Variants in MCF2L2 observed in about 807,000 individuals in gnomAD.
The protein encoded by MCF2L2 is probable guanine nucleotide exchange factor MCF2L2.
Under a neutral mutation model 150.2 loss-of-function variants are expected in MCF2L2, and 102 were observed. The ratio of observed to expected loss-of-function variants is 0.68; its 90% CI spans 0.58 to 0.80. The LOEUF (loss-of-function observed/expected upper bound fraction) is 0.80, where lower values mean the gene tolerates loss of function less well. Ranked by LOEUF, MCF2L2 falls within the 30% of genes least tolerant of loss-of-function variation. The probability of loss-of-function intolerance (pLI) is 0.00; values close to 1 mark genes in which losing one functional copy is unlikely to be tolerated. For synonymous variants in MCF2L2, 465 were observed against 491.3 expected, an observed-to-expected ratio of 0.95 and a Z score of 0.71; for missense variants, 1,256 against 1,372.8, an observed-to-expected ratio of 0.91 and a Z score of 1.34.
At position 183,406,959 on chromosome 3, in the gene MCF2L2, C is replaced by T. The variant is rs868356861; in HGVS notation, c.77-17180G>A. 3.9e-5 allele frequency among the ~76,000 whole-genome samples: 6 copies of T among 152,254 alleles called. No individual in the cohort carries two copies. In the Middle Eastern group the frequency reaches 0.01, roughly 259 times the overall value. ...CCAACTAAGGTCACAAAGATTTCCT[C>T]CTATGTTTTCTAACAGATTTTTTAT... On this transcript the variant is annotated intron_variant, in intron 1 of 29. Transcript: ENST00000328913.
intron 1 of MCF2L2, among the ~76,000 whole-genome samples, chr3:183,399,588 GC>G (rs1386037999): frequency 1.3e-5 from 2 of 152,196 alleles, no homozygotes; most frequent in East Asian, 3.8e-4. Context: ...CTTCTCACCA[GC>G]CCATCGAAGG....
intron 1 of MCF2L2, among the ~76,000 whole-genome samples, chr3:183,416,924 A>G (rs1157788369): frequency 6.6e-6 from 1 of 151,854 alleles, no homozygotes; most frequent in Non-Finnish European, 1.5e-5. Context: ...CCTGGCCAAC[A>G]TGGTAAAACC....
intron 2 of MCF2L2, among the ~76,000 whole-genome samples, chr3:183,389,230 A>C (rs1714008244): frequency 6.6e-6 from 1 of 152,220 alleles, no homozygotes; most frequent in Non-Finnish European, 1.5e-5. Context: ...CTTCATTCCC[A>C]ATCAAATGCT....
chr3:183,323,083 C>G, intron 6 of MCF2L2, 152 bp downstream of exon 6: 1 of 546,646 alleles, frequency 1.8e-6, no homozygotes, highest in East Asian at 2.9e-5. Context: ...CTTCCACACT[C>G]CTTCTTCCCC....
intron 6 of MCF2L2, among the ~76,000 whole-genome samples, chr3:183,322,425 C>A (rs114813652): frequency 6.6e-6 from 1 of 152,098 alleles, no homozygotes; most frequent in South Asian, 2.1e-4. Flanking sequence ...GAGTCCCTGA[C>A]GACCCACCAG....
At chr3:183,347,969 C>T (rs1171450388) in intron 3 of MCF2L2, among the ~76,000 whole-genome samples, 1 of 152,156 alleles carries the variant, frequency 6.6e-6, no homozygotes, top group African/African-American at 2.4e-5. Context: ...TAAATTTGTT[C>T]AACCATTGTG....
chr3:183,407,487 T>G (rs958031457), intron 1 of MCF2L2, among the ~76,000 whole-genome samples: 2 of 152,224 alleles, frequency 1.3e-5, no homozygotes, highest in Non-Finnish European at 2.9e-5. Context: ...ATGGATGATA[T>G]GTTAGTTTTA....
At chr3:183,360,990 A>AAAGG in intron 3 of MCF2L2, among the ~76,000 whole-genome samples, 2 of 133,852 alleles carry the variant, frequency 1.5e-5, no homozygotes, top group African/African-American at 7.6e-5. Context: ...AAAGAAAAGA[A>AAAGG]AAGAAAAGAA....
chr3:183,279,858 G>A (rs941389869), intron 14 of MCF2L2, among the ~76,000 whole-genome samples: 3 of 152,064 alleles, frequency 2.0e-5, no homozygotes, highest in South Asian at 2.1e-4. Context: ...GTGAAAACCC[G>A]TCTCTACTAA....
At chr3:183,386,712 C>A (rs1206023762) in intron 2 of MCF2L2, among the ~76,000 whole-genome samples, 1 of 152,154 alleles carries the variant, frequency 6.6e-6, no homozygotes, top group Non-Finnish European at 1.5e-5. Context: ...CTTAGGCTAC[C>A]ACAGCCATGG....
intron 13 of MCF2L2, 122 bp from the exon 14 acceptor site, chr3:183,289,342 C>A: frequency 1.5e-6 from 1 of 646,886 alleles, no homozygotes; most frequent in East Asian, 2.7e-5. Context: ...CTCACTTGAG[C>A]TGCTGCGTTG....
chr3:183,310,008 G>A (rs1729289707), intron 9 of MCF2L2, among the ~76,000 whole-genome samples, 173 bp from the exon 10 acceptor site: 1 of 151,864 alleles, frequency 6.6e-6, no homozygotes, highest in Non-Finnish European at 1.5e-5. Flanking sequence ...AATTAAGCTG[G>A]GGGTGCAGAA....
chr3:183,407,297 C>T (rs1432472389), intron 1 of MCF2L2, among the ~76,000 whole-genome samples: 1 of 150,914 alleles, frequency 6.6e-6, no homozygotes, highest in Admixed American at 6.6e-5. Flanking sequence ...AATGTGAGTC[C>T]TCCAAATGTA....
intron 1 of MCF2L2, among the ~76,000 whole-genome samples, chr3:183,392,082 G>A (rs774477013): frequency 4.6e-5 from 7 of 152,048 alleles, no homozygotes; most frequent in South Asian, 4.2e-4. Flanking sequence ...ATGATGAACC[G>A]AGAGAAAAAC....
Position 183,179,396 on chromosome 3 carries a change from G to A in MCF2L2, c.3329C>T (p.Ser1110Phe), listed in dbSNP as rs1413796107. ...FQARALRPRT[S>F]AQES Reference sequence around the variant, plus strand: ...GCAGGGAGGTCAGCTCTCCTGGGCGGAGGTCCTCGGGCGCAGCGCCCTCGC... The same window carrying A: ...GCAGGGAGGTCAGCTCTCCTGGGCGAAGGTCCTCGGGCGCAGCGCCCTCGC... Residue 1110 changes from serine to phenylalanine, a missense_variant, in exon 30 of 30, where the codon TCC becomes TTC. Coordinates refer to ENST00000328913, the MANE Select transcript of MCF2L2 (RefSeq NM_015078.4). The surrounding 1 kb of genome is among the most constrained non-coding windows in gnomAD (Gnocchi z 4.2). The A allele has an allele frequency of 1.3e-6, 2 of 1,551,294 alleles. No individual in the cohort carries two copies. The highest frequency in any genetic ancestry group is 1.7e-6 in the Non-Finnish European group (2 of 1,147,986).
At chr3:183,260,017 C>T (rs923543121) in intron 15 of MCF2L2, among the ~76,000 whole-genome samples, 17 of 152,184 alleles carry the variant, frequency 1.1e-4, no homozygotes, top group African/African-American at 3.9e-4. Context: ...ACCTCCTCCC[C>T]TGCCCTCCCC....
intron 1 of MCF2L2, among the ~76,000 whole-genome samples, chr3:183,410,945 A>G (rs1403984734): frequency 1.3e-5 from 2 of 152,168 alleles, no homozygotes; most frequent in Non-Finnish European, 2.9e-5. Flanking sequence ...GAGAGAGAAC[A>G]GCTGTCTTAG....
At chr3:183,296,742 G>A in intron 12 of MCF2L2, 1 of 487,594 alleles carries the variant, frequency 2.1e-6, no homozygotes, top group Non-Finnish European at 3.7e-6. Flanking sequence ...TGGTACATCA[G>A]GAATGCTCAT....
chr3:183,367,888 G>A (rs1258827214), intron 3 of MCF2L2, among the ~76,000 whole-genome samples: 2 of 152,154 alleles, frequency 1.3e-5, no homozygotes, highest in Admixed American at 6.6e-5. Flanking sequence ...GTCTAAAGTC[G>A]ATGAATCAAG....
Sources: gnomAD v4.1 joint callset for allele counts (sites outside exome capture counted in the v4.1 genomes callset) on GRCh38, gnomAD v4.1.1 for gene constraint, Gnocchi (gnomAD v3.1) non-coding constraint, MANE v1.5 for transcripts, NCBI Gene and HGNC (gene_info 2026-07-23, HGNC 2026-07-21) for gene names.